Variants in DAAM2 observed in about 807,000 individuals in gnomAD.
DAAM2 encodes disheveled-associated activator of morphogenesis 2.
DAAM2 carries 39 observed loss-of-function variants against 120.7 expected under a neutral mutation model. The observed-to-expected ratio is 0.32, with a 90% CI of 0.25 to 0.42. The LOEUF (loss-of-function observed/expected upper bound fraction) is 0.42. Ranked by LOEUF, DAAM2 falls within the 10% of genes least tolerant of loss-of-function variation. The pLI, the probability that DAAM2 is intolerant of heterozygous loss-of-function variation, is 1.00. For missense variants in DAAM2, 1,283 were observed against 1,401.7 expected (o/e 0.92, Z 1.35); for synonymous variants, 488 against 524.9 (o/e 0.93, Z 0.96).
At chr6:39,810,204 T>C (rs758150801) in intron 1 of DAAM2, among the ~76,000 whole-genome samples, 7 of 152,168 alleles carry the variant, frequency 4.6e-5, no homozygotes, top group Non-Finnish European at 7.3e-5. Flanking sequence ...CATTTTTTAA[T>C]TGGGCATGTT....
At chr6:39,842,148 G>A (rs1193947064) in intron 1 of DAAM2, among the ~76,000 whole-genome samples, 3 of 152,126 alleles carry the variant, frequency 2.0e-5, no homozygotes, top group Non-Finnish European at 4.4e-5. Flanking sequence ...CATTGGCTGG[G>A]CCATGAAGGT....
chr6:39,810,447 A>G (rs1256003009), intron 1 of DAAM2, among the ~76,000 whole-genome samples: 1 of 152,216 alleles, frequency 6.6e-6, no homozygotes, highest in African/African-American at 2.4e-5. Flanking sequence ...TGCAGAAAAT[A>G]CTATTGGTGC....
At chr6:39,849,722 G>GC (rs1271440220) in intron 1 of DAAM2, among the ~76,000 whole-genome samples, 1 of 152,170 alleles carries the variant, frequency 6.6e-6, no homozygotes, top group Non-Finnish European at 1.5e-5. Context: ...TCTGCTTGCT[G>GC]TCCACCAGCT....
intron 1 of DAAM2, among the ~76,000 whole-genome samples, chr6:39,812,323 C>T (rs1347045031): frequency 6.6e-6 from 1 of 152,214 alleles, no homozygotes; most frequent in East Asian, 1.9e-4. Context: ...CAACACATCT[C>T]ATTCTAACAG....
intron 1 of DAAM2, among the ~76,000 whole-genome samples, chr6:39,809,082 G>A (rs952584419): frequency 1.6e-4 from 25 of 152,266 alleles, no homozygotes; most frequent in Non-Finnish European, 2.6e-4. Flanking sequence ...AGATGGTGAC[G>A]CACTCAGGAA....
At chr6:39,880,024 G>A (rs1228383313) in intron 14 of DAAM2, 1 of 185,288 alleles carries the variant, frequency 5.4e-6, no homozygotes, top group Non-Finnish European at 1.1e-5. Context: ...CACAGGTAGG[G>A]CTTGATTCCT....
intron 1 of DAAM2, among the ~76,000 whole-genome samples, chr6:39,849,448 A>G (rs890539682): frequency 6.6e-6 from 1 of 152,228 alleles, no homozygotes; most frequent in Admixed American, 6.5e-5. Context: ...TACTTTTACT[A>G]GGCTCTATTC....
chr6:39,859,742 C>A (rs1306103971), intron 2 of DAAM2, among the ~76,000 whole-genome samples: 1 of 152,122 alleles, frequency 6.6e-6, no homozygotes, highest in Non-Finnish European at 1.5e-5. Context: ...TCACCTATTT[C>A]TTTTAAATTT....
intron 1 of DAAM2, among the ~76,000 whole-genome samples, chr6:39,836,168 A>G (rs1245855236): frequency 6.6e-6 from 1 of 152,062 alleles, no homozygotes. Flanking sequence ...CCTGTGCAGA[A>G]GATTCCCTCA....
At chr6:39,856,920 G>A (rs954665637) in intron 2 of DAAM2, among the ~76,000 whole-genome samples, 4 of 152,210 alleles carry the variant, frequency 2.6e-5, no homozygotes, top group Non-Finnish European at 5.9e-5. Flanking sequence ...CTCGGAACAG[G>A]GGATGATTGG....
chr6:39,891,382 G>T lies in DAAM2; in HGVS notation c.2187G>T (p.Leu729=). The change falls in exon 18 of 25, where the codon CTG becomes CTT. Residue 729 remains leucine, a synonymous_variant. Coordinates refer to ENST00000274867, the MANE Select transcript of DAAM2 (RefSeq NM_001201427.2). The part of the protein sequence containing the change: ...FIPEKSDIDL[L]EEHKHEIERM... ...CAGAGAAGAGTGACATTGACCTCCT[G>T]GAGGAGCACAAGCATGAAATTGAGC... The T allele has an allele frequency of 1.2e-6, 2 of 1,611,492 alleles. No homozygotes were observed. Among genetic ancestry groups the T allele is most frequent in the African/African-American group, 1.3e-5 (1 of 75,002 alleles).
At chr6:39,830,082 T>G (rs1762821605) in intron 1 of DAAM2, among the ~76,000 whole-genome samples, 1 of 151,810 alleles carries the variant, frequency 6.6e-6, no homozygotes, top group African/African-American at 2.4e-5. Flanking sequence ...GACTGGGAGA[T>G]TTTTACAATC....
intron 1 of DAAM2, among the ~76,000 whole-genome samples, chr6:39,805,695 C>T (rs904498267): frequency 6.6e-6 from 1 of 152,026 alleles, no homozygotes; most frequent in Middle Eastern, 3.4e-3. Flanking sequence ...GCTGGGACTA[C>T]AGGCACCCAC....
chr6:39,798,291 G>A lies in DAAM2; in HGVS notation c.-57+5826G>A, dbSNP rs148310868. 2.9e-3 allele frequency among the ~76,000 whole-genome samples: 436 copies of A among 152,320 alleles called. 3 individuals carry two copies. The highest frequency in any genetic ancestry group is 9.6e-3 in the African/African-American group (400 of 41,572). ...GATTCTCAGTTTTCGCATCTGAAAA[G>A]TGGGGATGATAATAAAATACCTCCC... On this transcript the variant is annotated intron_variant, in intron 1 of 24. Transcript: ENST00000274867.
In DAAM2 at chr6:39,891,355, C is replaced by A; in HGVS notation, c.2160C>A (p.Ile720=). 6.2e-7 allele frequency: 1 copy of A among 1,608,670 alleles called. No homozygotes were observed. Among genetic ancestry groups the A allele is most frequent in the South Asian group, 1.1e-5 (1 of 89,732 alleles). The change falls in exon 18 of 25, where the codon ATC becomes ATA. Residue 720 remains isoleucine, a synonymous_variant. Transcript: ENST00000274867. ...GCTCTTTGCAGCTCCTCAAGTTCAT[C>A]CCAGAGAAGAGTGACATTGACCTCC... The part of the protein sequence containing the change: ...KDMLEQLLKF[I]PEKSDIDLLE...
Position 39,902,119 on chromosome 6 carries a change from A to G in DAAM2, c.*82A>G. Reference sequence around the variant, plus strand: ...GAGTGGAGGAGGTGGTGATATTTAAACCATTTGGTGCTTGGTTTAGAGCCT... The same window carrying G: ...GAGTGGAGGAGGTGGTGATATTTAAGCCATTTGGTGCTTGGTTTAGAGCCT... On this transcript the variant is annotated 3_prime_UTR_variant, in exon 25 of 25. Transcript: ENST00000274867. The G allele has an allele frequency of 8.0e-7, 1 of 1,257,222 alleles. No individual in the cohort carries two copies. Among genetic ancestry groups the G allele is most frequent in the Admixed American group, 2.4e-5 (1 of 42,490 alleles). The allele number at this position is 1,257,222 out of a possible 1,614,324, so 77.9% of individuals were successfully genotyped here. A position where few individuals can be genotyped will look rare whatever the true frequency, so the allele number is the denominator to read the frequency against.
In DAAM2 at chr6:39,873,267, G is replaced by C. The variant is rs1257342192; in HGVS notation, c.1074G>C (p.Gln358His). The C allele has an allele frequency of 6.2e-7, 1 of 1,613,294 alleles. No homozygotes were observed. The highest frequency in any genetic ancestry group is 8.5e-7 in the Non-Finnish European group (1 of 1,179,674). The change falls in exon 10 of 25, where the codon CAG becomes CAC. Residue 358 changes from glutamine (Q) to histidine (H), a missense_variant. Coordinates refer to ENST00000274867, the MANE Select transcript of DAAM2 (RefSeq NM_001201427.2). ...ACATCGACACCAAGAGTGCTTCCCA[G>C]ATGTTTGAGTTGATCCACAAGAAGC... The part of the protein sequence containing the change: ...MVHIDTKSAS[Q>H]MFELIHKKLK...
chr6:39,891,499 G>T, intron 18 of DAAM2, 52 bp downstream of exon 18: 1 of 1,519,236 alleles, frequency 6.6e-7, no homozygotes. Flanking sequence ...CTGGCAGGTG[G>T]GGCAGGTGGG....
chr6:39,828,260 G>C (rs1293931786), intron 1 of DAAM2, among the ~76,000 whole-genome samples: 1 of 152,214 alleles, frequency 6.6e-6, no homozygotes, highest in Non-Finnish European at 1.5e-5. Context: ...TTTGGGAAGT[G>C]CAAGATCAAG....
Sources: allele counts gnomAD v4.1 joint callset (sites outside exome capture counted in the v4.1 genomes callset), GRCh38; gene constraint gnomAD v4.1.1; transcripts MANE v1.5; gene names NCBI Gene and HGNC (gene_info 2026-07-23, HGNC 2026-07-21).